GSE1: variants seen among roughly 807,000 people sequenced by gnomAD.
GSE1 encodes Gse1 coiled-coil protein.
GSE1 carries 32 observed loss-of-function variants against 112.6 expected under a neutral mutation model. The observed-to-expected ratio is 0.28, with a 90% CI of 0.21 to 0.38. The LOEUF (loss-of-function observed/expected upper bound fraction) is 0.38. GSE1 is among the 10% of genes least tolerant of loss of function. The pLI is 1.00. For synonymous variants in GSE1, 1,115 were observed against 735.6 expected, an observed-to-expected ratio of 1.52 and a Z score of -8.35; for missense variants, 2,348 against 1,699.2, an observed-to-expected ratio of 1.38 and a Z score of -6.71.
upstream of GSE1, among the ~76,000 whole-genome samples, chr16:85,612,571 C>A (rs2048063455): frequency 6.6e-6 from 1 of 151,926 alleles, no homozygotes; most frequent in East Asian, 1.9e-4. Context: ...AAGAACACCC[C>A]CCGCAGCGGC....
chr16:85,651,001 C>G (rs923735374), intron 3 of GSE1, among the ~76,000 whole-genome samples: 8 of 146,800 alleles, frequency 5.4e-5, no homozygotes, highest in Non-Finnish European at 9.0e-5. Context: ...AACCCTTGCT[C>G]TAATCACCGG....
rs569545302 is a variant in GSE1 at position 85,312,127 on chromosome 16, C to T, written c.2284-45336C>T. On this transcript the variant is annotated intron_variant, in intron 1 of 2. Transcript: ENST00000637419. ...TCAGACTCTCCTGCTGGCCCCCTCG[C>T]CCACCGCTTCCATCCCCTCCCGTGT... 7.2e-5 allele frequency among the ~76,000 whole-genome samples: 11 copies of T among 151,928 alleles called. No individual in the cohort carries two copies. The East Asian group carries it at 1.4e-3, about 19-fold the overall frequency.
chr16:85,365,161 A>G (rs1567714031), intron 2 of GSE1, among the ~76,000 whole-genome samples: 2 of 152,190 alleles, frequency 1.3e-5, no homozygotes, highest in Non-Finnish European at 2.9e-5. Flanking sequence ...CCTCTGGGAC[A>G]GGGCTGGGGT....
exon 1 of GSE1, chr16:85,170,363 A>G: frequency 1.0e-6 from 1 of 985,458 alleles, no homozygotes; most frequent in Non-Finnish European, 1.2e-6. Context: ...GATCCCTGGC[A>G]AGGCCCTCTT....
chr16:85,571,589 C>T (rs887241372), intron 1 of GSE1, among the ~76,000 whole-genome samples: 1 of 152,224 alleles, frequency 6.6e-6, no homozygotes, highest in Non-Finnish European at 1.5e-5. Context: ...CTCGGGGAGG[C>T]TCTTGAGAGC....
chr16:85,334,495 C>T (rs1376740223), intron 1 of GSE1, among the ~76,000 whole-genome samples: 3 of 152,242 alleles, frequency 2.0e-5, no homozygotes, highest in Admixed American at 2.0e-4. Context: ...TCTGCGTTTC[C>T]TCTCTCCTGT....
At chr16:85,251,384 G>A (rs945917907) in intron 1 of GSE1, among the ~76,000 whole-genome samples, 11 of 152,380 alleles carry the variant, frequency 7.2e-5, no homozygotes, top group South Asian at 2.1e-4. Context: ...CCCAGGAAGC[G>A]CCGGGTGAGT....
intron 1 of GSE1, among the ~76,000 whole-genome samples, chr16:85,568,112 T>C (rs2151316208): frequency 6.6e-6 from 1 of 152,250 alleles, no homozygotes; most frequent in African/African-American, 2.4e-5. Context: ...CTCTGGAAAA[T>C]GTCATCAGCT....
At chr16:85,203,460 C>G (rs989153990) in intron 1 of GSE1, among the ~76,000 whole-genome samples, 1 of 152,176 alleles carries the variant, frequency 6.6e-6, no homozygotes, top group Non-Finnish European at 1.5e-5. Flanking sequence ...CCTGTGGCCC[C>G]TCAGGGAGGG....
At chr16:85,558,240 T>C (rs2045333365) in intron 1 of GSE1, among the ~76,000 whole-genome samples, 1 of 152,236 alleles carries the variant, frequency 6.6e-6, no homozygotes, top group Admixed American at 6.5e-5. Flanking sequence ...ATGCTGTATC[T>C]GGGTTTTTCT....
intron 1 of GSE1, among the ~76,000 whole-genome samples, chr16:85,258,291 A>G (rs1291614200): frequency 6.6e-6 from 1 of 152,208 alleles, no homozygotes; most frequent in Non-Finnish European, 1.5e-5. Flanking sequence ...GGGGCTGACA[A>G]GAGGCTGGAG....
At chr16:85,480,396 G>A (rs1470515565) in intron 2 of GSE1, among the ~76,000 whole-genome samples, 3 of 152,118 alleles carry the variant, frequency 2.0e-5, no homozygotes, top group Non-Finnish European at 4.4e-5. Context: ...CGTGGCACCA[G>A]TGTGAGCCTC....
At chr16:85,307,372 C>T (rs1345041806) in intron 1 of GSE1, among the ~76,000 whole-genome samples, 1 of 152,206 alleles carries the variant, frequency 6.6e-6, no homozygotes, top group African/African-American at 2.4e-5. Flanking sequence ...ACACACCTGC[C>T]TAGCTCAGGG....
At chr16:85,616,223 C>G (rs1015592246) in intron 1 of GSE1, among the ~76,000 whole-genome samples, 9 of 152,246 alleles carry the variant, frequency 5.9e-5, no homozygotes, top group Non-Finnish European at 4.4e-5. Context: ...GGAGCAGGTA[C>G]TGTCTGTCCT....
chr16:85,623,170 A>G (rs973403243), intron 1 of GSE1, among the ~76,000 whole-genome samples: 5 of 152,096 alleles, frequency 3.3e-5, no homozygotes, highest in Admixed American at 1.3e-4. Context: ...TTTCAGGTCA[A>G]ATAAAAACAG....
intron 1 of GSE1, among the ~76,000 whole-genome samples, chr16:85,338,103 G>A (rs1311876098): frequency 6.6e-6 from 1 of 152,204 alleles, no homozygotes; most frequent in African/African-American, 2.4e-5. Flanking sequence ...TGCTCTTGCT[G>A]ACCACCTGTC....
chr16:85,425,323 A>G (rs62050374), intron 2 of GSE1, among the ~76,000 whole-genome samples: 57 of 151,858 alleles, frequency 3.8e-4, no homozygotes, highest in African/African-American at 6.3e-4. Context: ...AGGTGGTGAC[A>G]GCAGGAAGCA....
At chr16:85,519,727 A>ACAG (rs1177409473) in intron 2 of GSE1, among the ~76,000 whole-genome samples, 3 of 74,684 alleles carry the variant, frequency 4.0e-5, no homozygotes, top group Admixed American at 2.9e-4. Flanking sequence ...CATCATCACC[A>ACAG]TCACCATCAC....
At chr16:85,319,058 C>T (rs1245553124) in intron 1 of GSE1, among the ~76,000 whole-genome samples, 1 of 152,080 alleles carries the variant, frequency 6.6e-6, no homozygotes, top group Non-Finnish European at 1.5e-5. Flanking sequence ...GGTGGAGTGG[C>T]GGTGACATTA....
Sources: allele counts gnomAD v4.1 joint callset (sites outside exome capture counted in the v4.1 genomes callset), GRCh38; gene constraint gnomAD v4.1.1; transcripts MANE v1.5; gene names NCBI Gene and HGNC (gene_info 2026-07-23, HGNC 2026-07-21).